The following CCDC178 variants were observed in gnomAD, a reference collection of about 807,000 sequenced individuals.
The protein encoded by CCDC178 is coiled-coil domain-containing protein 178.
CCDC178 carries 126 observed loss-of-function variants against 117.4 expected under a neutral mutation model. The observed-to-expected ratio is 1.07, with a 90% CI of 0.93 to 1.24. CCDC178 has a LOEUF of 1.24. Ranked by LOEUF, CCDC178 falls within the 50% of genes most tolerant of loss-of-function variation. CCDC178 has a pLI of 0.00. For missense variants in CCDC178, 1,030 were observed against 986.9 expected (o/e 1.04, Z -0.59); for synonymous variants, 283 against 313.4 (o/e 0.90, Z 1.02).
intron 20 of CCDC178, among the ~76,000 whole-genome samples, chr18:33,178,751 G>A (rs1598966951): frequency 6.6e-6 from 1 of 151,698 alleles, no homozygotes; most frequent in Non-Finnish European, 1.5e-5. Flanking sequence ...TTTCTACCTG[G>A]CTAGCTCCTA....
intron 21 of CCDC178, among the ~76,000 whole-genome samples, chr18:33,065,237 T>C (rs1475880268): frequency 6.6e-6 from 1 of 152,138 alleles, no homozygotes; most frequent in African/African-American, 2.4e-5. Flanking sequence ...ACAAAATAGC[T>C]AGATGCTTTG....
At chr18:33,287,332 A>C (rs2060110756) in intron 12 of CCDC178, among the ~76,000 whole-genome samples, 1 of 152,224 alleles carries the variant, frequency 6.6e-6, no homozygotes, top group South Asian at 2.1e-4. Context: ...AATCTAGCTT[A>C]AAGGTTTTAT....
chr18:33,220,691 A>G (rs970062008), intron 18 of CCDC178, among the ~76,000 whole-genome samples: 2 of 152,158 alleles, frequency 1.3e-5, no homozygotes, highest in African/African-American at 4.8e-5. Context: ...TTGTCAGCAC[A>G]TTGAAATCAA....
intron 3 of CCDC178, among the ~76,000 whole-genome samples, chr18:33,405,689 T>C (rs2063770792): frequency 6.6e-6 from 1 of 152,070 alleles, no homozygotes; most frequent in South Asian, 2.1e-4. Context: ...GATCCCTTTC[T>C]GAATCCACTA....
intron 22 of CCDC178, among the ~76,000 whole-genome samples, chr18:32,963,118 CA>C (rs1283237768): frequency 1.3e-5 from 2 of 151,972 alleles, no homozygotes; most frequent in Non-Finnish European, 2.9e-5. Flanking sequence ...ACCTCACAGC[CA>C]AATTGCCTAG....
chr18:33,283,317 T>TA (rs946202335), intron 12 of CCDC178, among the ~76,000 whole-genome samples: 2 of 151,814 alleles, frequency 1.3e-5, no homozygotes, highest in African/African-American at 4.8e-5. Context: ...TCAACAGGAT[T>TA]AAAAAAAGAA....
chr18:33,328,651 C>T (rs557386746), intron 10 of CCDC178, among the ~76,000 whole-genome samples: 98 of 152,122 alleles, frequency 6.4e-4, no homozygotes, highest in Non-Finnish European at 1.2e-3. Context: ...AATTTCAGTT[C>T]TACTTTATTT....
At chr18:33,153,925 C>T (rs1162093802) in intron 20 of CCDC178, among the ~76,000 whole-genome samples, 1 of 151,742 alleles carries the variant, frequency 6.6e-6, no homozygotes, top group East Asian at 1.9e-4. Context: ...ATTTTGTCTA[C>T]TTTTTAGATT....
chr18:33,257,040 T>C (rs1379211683), intron 14 of CCDC178, among the ~76,000 whole-genome samples: 4 of 152,114 alleles, frequency 2.6e-5, no homozygotes, highest in Admixed American at 6.6e-5. Flanking sequence ...ATAACTTCAA[T>C]TCATGTTGGA....
chr18:32,954,920 T>TA lies in CCDC178; in HGVS notation c.2524-16830dup, dbSNP rs931241823. Among the ~76,000 whole-genome samples the TA allele has an allele frequency of 1.5e-3, 230 of 148,728 alleles. 1 individual carries two copies. Among genetic ancestry groups the TA allele is most frequent in the African/African-American group, 4.3e-3 (174 of 40,630 alleles). Reference sequence around the variant, plus strand: ...TTAGAAACTAAATGCTACATCCACTTAAAAAAAAAAGTCTTGTCACTCATA... The same window carrying TA: ...TTAGAAACTAAATGCTACATCCACTTAAAAAAAAAAAGTCTTGTCACTCATA... On this transcript the variant is annotated intron_variant, in intron 22 of 22. Transcript: ENST00000383096.
chr18:32,979,870 G>C (rs1568194783), intron 21 of CCDC178, among the ~76,000 whole-genome samples: 2 of 152,136 alleles, frequency 1.3e-5, no homozygotes, highest in African/African-American at 2.4e-5. Context: ...CATCCAAAGA[G>C]AGCATTTGAT....
chr18:33,396,795 A>T (rs531651079), intron 4 of CCDC178, among the ~76,000 whole-genome samples: 1 of 152,182 alleles, frequency 6.6e-6, no homozygotes, highest in African/African-American at 2.4e-5. Context: ...TCAGGAGAGT[A>T]CAGGGAGACC....
chr18:33,280,589 C>A (rs1308854248), intron 12 of CCDC178, among the ~76,000 whole-genome samples: 2 of 151,716 alleles, frequency 1.3e-5, no homozygotes, highest in African/African-American at 2.4e-5. Flanking sequence ...TTGACCCAGC[C>A]ATCCCATTAC....
At chr18:33,207,290 A>T (rs1232342308) in intron 20 of CCDC178, among the ~76,000 whole-genome samples, 3 of 152,174 alleles carry the variant, frequency 2.0e-5, no homozygotes, top group Non-Finnish European at 2.9e-5. Context: ...ATAGAATTAT[A>T]GACCAATAGA....
chr18:33,220,934 CTT>C (rs1342081612), intron 18 of CCDC178, among the ~76,000 whole-genome samples: 1 of 152,064 alleles, frequency 6.6e-6, no homozygotes, highest in African/African-American at 2.4e-5. Flanking sequence ...AGGATACTCT[CTT>C]AAGTATACTT....
chr18:33,380,641 C>A (rs982213181), intron 5 of CCDC178, among the ~76,000 whole-genome samples: 1 of 152,174 alleles, frequency 6.6e-6, no homozygotes, highest in Non-Finnish European at 1.5e-5. Flanking sequence ...GTTTCACTCA[C>A]TTTTAACACC....
chr18:33,118,199 T>G (rs2057886530), intron 20 of CCDC178, among the ~76,000 whole-genome samples: 1 of 152,014 alleles, frequency 6.6e-6, no homozygotes, highest in Admixed American at 6.6e-5. Context: ...GGAATGGCCT[T>G]TTGAGCACTC....
At chr18:33,400,037 A>G (rs1288562631) in intron 3 of CCDC178, among the ~76,000 whole-genome samples, 1 of 152,004 alleles carries the variant, frequency 6.6e-6, no homozygotes, top group Admixed American at 6.6e-5. Flanking sequence ...ATCTACTCGT[A>G]CATCTCCATT....
At chr18:33,406,338 T>C (rs1054430703) in intron 3 of CCDC178, among the ~76,000 whole-genome samples, 1 of 152,072 alleles carries the variant, frequency 6.6e-6, no homozygotes, top group African/African-American at 2.4e-5. Context: ...GGCAAATCAA[T>C]AGAAAATACA....
Sources: allele counts gnomAD v4.1 joint callset (sites outside exome capture counted in the v4.1 genomes callset), GRCh38; gene constraint gnomAD v4.1.1; transcripts MANE v1.5; gene names NCBI Gene and HGNC (gene_info 2026-07-23, HGNC 2026-07-21).